CDCA5: variants seen among roughly 807,000 people sequenced by gnomAD.
The protein encoded by CDCA5 is sororin.
CDCA5 carries 14 observed loss-of-function variants against 25.7 expected under a neutral mutation model. The ratio of observed to expected loss-of-function variants is 0.54; its 90% CI spans 0.36 to 0.85. The LOEUF is 0.85. Ranked by LOEUF, CDCA5 falls within the 40% of genes least tolerant of loss-of-function variation. The probability of loss-of-function intolerance (pLI) is 0.01; values close to 1 mark genes in which losing one functional copy is unlikely to be tolerated. For synonymous variants in CDCA5, 127 were observed against 128.7 expected, an observed-to-expected ratio of 0.99 and a Z score of 0.09; for missense variants, 307 against 324.5, an observed-to-expected ratio of 0.95 and a Z score of 0.41.
chr11:65,079,541 A>G lies in CDCA5; in HGVS notation c.490T>C (p.Ser164Pro). Residue 164 changes from serine (S) to proline (P), a missense_variant, in exon 5 of 6, where the codon TCC becomes CCC. Transcript: ENST00000275517. The part of the protein sequence containing the change: ...SASTSTPGRR[S>P]CFGFEGLLGA... The stretch of plus-strand genomic sequence containing the variant: ...AGCAGCCCCTCGAAGCCAAAGCAGG[A>G]CCGGCGGCCTGGGGTGGAGGTAGAG... 6.2e-7 allele frequency: 1 copy of G among 1,614,066 alleles called. No homozygotes were observed. Among genetic ancestry groups the G allele is most frequent in the Non-Finnish European group, 8.5e-7 (1 of 1,180,000 alleles).
chr11:65,078,890 A>T lies in CDCA5; in HGVS notation c.*217T>A. ...AGGACAGGACGACAAGAGACAGGAC[A>T]CCAGTGAGTGGCTGGGCCAGGCGGC... On this transcript the variant is annotated 3_prime_UTR_variant, in exon 6 of 6. Transcript: ENST00000275517. 2 of 1,251,852 alleles carry T rather than the reference A, an allele frequency of 1.6e-6. No individual in the cohort carries two copies. Among genetic ancestry groups the T allele is most frequent in the Non-Finnish European group, 2.0e-6 (2 of 999,224 alleles). The allele number at this position is 1,251,852 out of a possible 1,614,324, so 77.5% of individuals were successfully genotyped here.
rs1947617613 is a variant in CDCA5 at position 65,083,469 on chromosome 11, T to A, written c.207+16A>T. On this transcript the variant is annotated intron_variant, in intron 3 of 5. Coordinates refer to ENST00000275517, the MANE Select transcript of CDCA5 (RefSeq NM_080668.4). ...TTGCCCGCCTAACCACCCACAACACTCTCCTTAGCCTTTACCTCTACAGCA... is the reference window on the plus strand; with the variant it reads ...TTGCCCGCCTAACCACCCACAACACACTCCTTAGCCTTTACCTCTACAGCA... 2 of 1,614,078 alleles carry A rather than the reference T, an allele frequency of 1.2e-6. No individual in the cohort carries two copies. Among genetic ancestry groups the A allele is most frequent in the African/African-American group, 1.3e-5 (1 of 74,994 alleles).
chr11:65,064,815 G>A (rs199794993), downstream of CDCA5, among the ~76,000 whole-genome samples: 4 of 152,162 alleles, frequency 2.6e-5, no homozygotes, highest in East Asian at 7.7e-4. Context: ...GAGCCCAGGA[G>A]TTTGAGACCA....
At chr11:65,080,417 T>C (rs1947542027) in intron 4 of CDCA5, among the ~76,000 whole-genome samples, 1 of 152,066 alleles carries the variant, frequency 6.6e-6, no homozygotes, top group Non-Finnish European at 1.5e-5. Context: ...GCAACGTTTT[T>C]TGTTTTGTTT....
downstream of CDCA5, among the ~76,000 whole-genome samples, chr11:65,062,946 G>A (rs1431968870): frequency 2.0e-5 from 3 of 152,122 alleles, no homozygotes; most frequent in Non-Finnish European, 4.4e-5. Context: ...CACTGCCGAA[G>A]CCCCAGAGTC....
At chr11:65,083,815 C>T in intron 1 of CDCA5, 92 bp from the exon 2 acceptor site, 1 of 1,581,222 alleles carries the variant, frequency 6.3e-7, no homozygotes, top group Non-Finnish European at 8.6e-7. Context: ...GATTCCCAAA[C>T]AAGCCCTTTT....
Position 65,079,440 on chromosome 11 carries a change from C to T in CDCA5, c.591G>A (p.Lys197=), listed in dbSNP as rs556827707. 131 of 1,614,078 alleles carry T rather than the reference C, an allele frequency of 8.1e-5. 1 individual carries two copies. Among genetic ancestry groups the T allele is most frequent in the South Asian group, 2.7e-4 (25 of 91,070 alleles). Residue 197 remains lysine, a synonymous_variant, in exon 5 of 6, where the codon AAG becomes AAA. Coordinates refer to ENST00000275517, the MANE Select transcript of CDCA5 (RefSeq NM_080668.4). Reference sequence around the variant, plus strand: ...GGAGAGTCATGTCTGGGGCCCAGGGCTTTGCACAAACCCTGGGGACCTCGG... The same window carrying T: ...GGAGAGTCATGTCTGGGGCCCAGGGTTTTGCACAAACCCTGGGGACCTCGG... ...KLTEVPRVCA[K]PWAPDMTLPG...
Position 65,078,610 on chromosome 11 carries a change from G to A in CDCA5, c.*497C>T. On this transcript the variant is annotated 3_prime_UTR_variant, in exon 6 of 6. Coordinates refer to ENST00000275517, the MANE Select transcript of CDCA5 (RefSeq NM_080668.4). ...TGGGACTATTTACAGAATCAAAGGG[G>A]AAACCCACGGAACTGAAAACCTCTT... is the stretch of plus-strand genomic sequence containing the variant. 1.0e-6 allele frequency: 1 copy of A among 986,956 alleles called. No individual in the cohort carries two copies. The highest frequency in any genetic ancestry group is 1.1e-4 in the East Asian group (1 of 8,860). 61.1% of individuals were successfully genotyped at this position (986,956 alleles called of 1,614,324 possible).
At chr11:65,067,608 G>A (rs1565265679) in intron 4 of CDCA5, 10 of 1,203,150 alleles carry the variant, frequency 8.3e-6, no homozygotes, top group Non-Finnish European at 1.1e-5. Flanking sequence ...CCTTGGTCGG[G>A]GGAAGCCCTG....
At chr11:65,066,225 A>AG (rs1947233099), downstream of CDCA5, 1 of 566,412 alleles carries the variant, frequency 1.8e-6, no homozygotes, top group African/African-American at 2.0e-5. Context: ...TGAGGGGCTG[A>AG]GCTCAGTGTG....
Position 65,084,040 on chromosome 11 carries a change from G to C in CDCA5, c.-62C>G, listed in dbSNP as rs1947639116. 1 of 1,559,650 alleles carries C rather than the reference G, an allele frequency of 6.4e-7. No homozygotes were observed. Among genetic ancestry groups the C allele is most frequent in the African/African-American group, 1.4e-5 (1 of 73,038 alleles). ...GCCCCGGGCGCGCGCCAACCGGGAA[G>C]GCCACTCGCTGCAAAAAACGTTCGA... On this transcript the variant is annotated 5_prime_UTR_variant, in exon 1 of 6. Coordinates refer to ENST00000275517, the MANE Select transcript of CDCA5 (RefSeq NM_080668.4).
intron 1 of CDCA5, 98 bp downstream of exon 1, chr11:65,083,835 T>G: frequency 6.3e-7 from 1 of 1,585,988 alleles, no homozygotes. Context: ...TAAGGGCGCC[T>G]CCTCCGGCGG....
intron 3 of CDCA5, chr11:65,067,861 T>A (rs528283292): frequency 1.2e-6 from 1 of 842,964 alleles, no homozygotes; most frequent in Non-Finnish European, 1.7e-6. Context: ...AGCAGGCCTC[T>A]CTGGGCCTCC....
rs775971340 is a variant in CDCA5, at chr11:65,079,345, T to G, written c.678+8A>C. ...CACGGCAGAGAAAAACCCCTGCCTC[T>G]CACTCACCAAGATCTCTGGCATTTT... On this transcript the variant is annotated splice_region_variant and intron_variant, in intron 5 of 5. Coordinates refer to ENST00000275517, the MANE Select transcript of CDCA5 (RefSeq NM_080668.4). The G allele has an allele frequency of 6.2e-7, 1 of 1,614,048 alleles. No individual in the cohort carries two copies. Among genetic ancestry groups the G allele is most frequent in the Non-Finnish European group, 8.5e-7 (1 of 1,180,008 alleles).
At chr11:65,066,685 C>T in intron 5 of CDCA5, 1 of 1,288,566 alleles carries the variant, frequency 7.8e-7, no homozygotes, top group Non-Finnish European at 1.0e-6. Context: ...GTGGGCTGGA[C>T]AAAGGGTTGC....
chr11:65,078,694 C>CGA lies in CDCA5; in HGVS notation c.*411_*412dup, dbSNP rs1947494064. The CGA allele has an allele frequency of 1.0e-6, 1 of 1,002,570 alleles. No individual in the cohort carries two copies. Among genetic ancestry groups the CGA allele is most frequent in the African/African-American group, 1.7e-5 (1 of 57,988 alleles). The allele number at this position is 1,002,570 out of a possible 1,614,324, so 62.1% of individuals were successfully genotyped here. A position where few individuals can be genotyped will look rare whatever the true frequency, so the allele number is the denominator to read the frequency against. On this transcript the variant is annotated 3_prime_UTR_variant, in exon 6 of 6. Transcript: ENST00000275517. ...AGAAGGCAACTCAGGAGGGAGAGGC[C>CGA]GAGGCTGGCAGAGCCCCTGGGCCTA...
At chr11:65,067,885 C>T in intron 3 of CDCA5, 1 of 836,952 alleles carries the variant, frequency 1.2e-6, no homozygotes, top group Non-Finnish European at 1.7e-6. Context: ...CTGCACGGGC[C>T]AGGACTGAGT....
chr11:65,067,894 G>T (rs756497048), intron 3 of CDCA5: 30 of 860,816 alleles, frequency 3.5e-5, no homozygotes, highest in Non-Finnish European at 4.8e-5. Flanking sequence ...CCAGGACTGA[G>T]TCCTAGCCCA....
At position 65,078,721 on chromosome 11, in the gene CDCA5, T is replaced by A. The variant is rs1246458266; in HGVS notation, c.*386A>T. 1 of 1,012,912 alleles carries A rather than the reference T, an allele frequency of 9.9e-7. No individual in the cohort carries two copies. The highest frequency in any genetic ancestry group is 1.2e-6 in the Non-Finnish European group (1 of 848,960). The allele number at this position is 1,012,912 out of a possible 1,614,324, so 62.7% of individuals were successfully genotyped here. On this transcript the variant is annotated 3_prime_UTR_variant, in exon 6 of 6. Transcript: ENST00000275517. The stretch of plus-strand genomic sequence containing the variant: ...AGGCTGGCAGAGCCCCTGGGCCTAT[T>A]TCCAAGCAGCCACCCCTCCCAACAA...
Sources: gnomAD v4.1 joint callset for allele counts (sites outside exome capture counted in the v4.1 genomes callset) on GRCh38, gnomAD v4.1.1 for gene constraint, MANE v1.5 for transcripts, NCBI Gene and HGNC (gene_info 2026-07-23, HGNC 2026-07-21) for gene names.